Variants in FSCN3 observed in about 807,000 individuals in gnomAD.
FSCN3 encodes fascin actin-bundling protein 3, also known as fascin-3.
In FSCN3, 43 loss-of-function variants were observed where a neutral mutation model predicts 53.5. The ratio of observed to expected loss-of-function variants is 0.80; its 90% confidence interval spans 0.63 to 1.04. FSCN3 has a LOEUF of 1.04. Among genes scored for constraint, FSCN3 ranks in the 50% least tolerant of loss-of-function variants. The pLI is 0.00. For missense variants in FSCN3, 594 were observed against 646.5 expected (o/e 0.92, Z 0.88); for synonymous variants, 235 against 246.6 (o/e 0.95, Z 0.44).
Position 127,600,370 on chromosome 7 carries a change from A to G in FSCN3, c.1468A>G (p.Ile490Val). ...CACCCTGTTGGCAGACAGTGAAGAC[A>G]TTACCAGAGAGTGTATCTGGGAATT... ...SGTLLADSED[I>V]TRECIWEF Residue 490 changes from isoleucine (I) to valine (V), a missense_variant, in exon 6 of 7, where the codon ATT (isoleucine) becomes GTT (valine). Transcript: ENST00000265825. 6.2e-7 allele frequency: 1 copy of G among 1,612,054 alleles called. No individual in the cohort carries two copies. The highest frequency in any genetic ancestry group is 8.5e-7 in the Non-Finnish European group (1 of 1,178,040).
rs752537878 is a variant in FSCN3 at position 127,595,970 on chromosome 7, T to C, written c.808T>C (p.Ser270Pro). The C allele has an allele frequency of 6.4e-7, 1 of 1,571,764 alleles. No individual in the cohort carries two copies. Among genetic ancestry groups the C allele is most frequent in the Non-Finnish European group, 8.6e-7 (1 of 1,157,386 alleles). ...CTGCCCAACCTGGGTCAGCCTCAGGTCAAAGACTGGGCGGTTCATCTCAGT... is the reference window on the plus strand; with the variant it reads ...CTGCCCAACCTGGGTCAGCCTCAGGCCAAAGACTGGGCGGTTCATCTCAGT... The part of the protein sequence containing the change: ...QHCPTWVSLR[S>P]KTGRFISVIY... Residue 270 changes from serine (S) to proline (P), a missense_variant, in exon 2 of 7, where the codon TCA becomes CCA. Ser to Pro is a moderately conservative substitution (Grantham distance 74). Transcript: ENST00000265825.
At position 127,600,305 on chromosome 7, in the gene FSCN3, T is replaced by C. The variant is rs374297879; in HGVS notation, c.1403T>C (p.Leu468Pro). ...CAGGGGAGCAACTTACTCACTGTAC[T>C]GGCCCCCAATGGCTTCTACATGCGA... The part of the protein sequence containing the change: ...ELQGSNLLTV[L>P]APNGFYMRAD... The change falls in exon 6 of 7, where the codon CTG becomes CCG. Residue 468 changes from leucine (L) to proline (P), a missense_variant. Coordinates refer to ENST00000265825, the MANE Select transcript of FSCN3 (RefSeq NM_020369.3). 6 of 1,611,608 alleles carry C rather than the reference T, an allele frequency of 3.7e-6. No individual in the cohort carries two copies. The Admixed American group carries it at 5.0e-5, about 13-fold the overall frequency.
intron 5 of FSCN3, 23 bp from the exon 6 acceptor site, chr7:127,600,171 A>G (rs770152969): frequency 7.1e-7 from 1 of 1,417,642 alleles, no homozygotes; most frequent in African/African-American, 1.4e-5. Flanking sequence ...ATGGCCCACC[A>G]ACCTGAGCTC....
At chr7:127,598,357 C>A in intron 3 of FSCN3, 78 bp from the exon 4 acceptor site, 3 of 1,341,222 alleles carry the variant, frequency 2.2e-6, no homozygotes, top group Non-Finnish European at 3.2e-6. Context: ...GGAAGAGGGT[C>A]TAGGAATAAA....
intron 4 of FSCN3, 66 bp from the exon 5 acceptor site, chr7:127,599,315 C>A: frequency 7.8e-7 from 1 of 1,280,958 alleles, no homozygotes; most frequent in Non-Finnish European, 1.1e-6. Context: ...CGTCCCCCCT[C>A]CTGCTTCCAC....
intron 6 of FSCN3, among the ~76,000 whole-genome samples, chr7:127,600,927 C>T (rs769581362): frequency 1.3e-5 from 2 of 152,156 alleles, no homozygotes; most frequent in Non-Finnish European, 2.9e-5. Flanking sequence ...CCTGCCAGTT[C>T]CTAAAAATCA....
intron 1 of FSCN3, chr7:127,594,799 G>A (rs1794359145): frequency 2.1e-6 from 1 of 471,426 alleles, no homozygotes; most frequent in South Asian, 1.5e-5. Context: ...AGCTGAACCA[G>A]GCAGTTGCAT....
chr7:127,601,041 C>T (rs894948844), intron 6 of FSCN3, among the ~76,000 whole-genome samples: 1 of 152,232 alleles, frequency 6.6e-6, no homozygotes, highest in African/African-American at 2.4e-5. Flanking sequence ...AATGCTCAGG[C>T]TCAAGAGCTC....
intron 4 of FSCN3, among the ~76,000 whole-genome samples, chr7:127,598,925 A>G (rs887158633): frequency 6.6e-6 from 1 of 151,482 alleles, no homozygotes; most frequent in Non-Finnish European, 1.5e-5. Context: ...GTGCCACTGC[A>G]TTGCAGCCTG....
intron 4 of FSCN3, among the ~76,000 whole-genome samples, chr7:127,599,114 C>T (rs941966780): frequency 6.6e-6 from 1 of 152,144 alleles, no homozygotes; most frequent in African/African-American, 2.4e-5. Context: ...TACAACTCTG[C>T]AGCCTCACAG....
At chr7:127,595,206 A>C (rs1794367161) in intron 1 of FSCN3, 101 bp from the exon 2 acceptor site, 1 of 976,444 alleles carries the variant, frequency 1.0e-6, no homozygotes, top group Admixed American at 2.5e-5. Context: ...GCTGGTGCTG[A>C]TGAAGGTGCC....
intron 1 of FSCN3, chr7:127,594,811 T>C (rs1432045676): frequency 4.2e-6 from 2 of 471,694 alleles, no homozygotes; most frequent in Middle Eastern, 3.2e-4. Flanking sequence ...CAGTTGCATC[T>C]GAACTGTTCA....
At chr7:127,594,979 G>A (rs1794361983) in intron 1 of FSCN3, 4 of 471,364 alleles carry the variant, frequency 8.5e-6, no homozygotes, top group East Asian at 4.9e-5. Context: ...ACACCAAAGC[G>A]TTTCTTTAAA....
chr7:127,597,151 C>G (rs1794401581), intron 3 of FSCN3, among the ~76,000 whole-genome samples: 1 of 152,144 alleles, frequency 6.6e-6, no homozygotes, highest in Non-Finnish European at 1.5e-5. Context: ...TGTTTCTAGT[C>G]TGGGCTATTA....
At chr7:127,595,197 C>G (rs1794366991) in intron 1 of FSCN3, 110 bp from the exon 2 acceptor site, 4 of 849,124 alleles carry the variant, frequency 4.7e-6, no homozygotes, top group Non-Finnish European at 7.4e-6. Context: ...GAGGAGGTGG[C>G]TGGTGCTGAT....
At position 127,599,659 on chromosome 7, in the gene FSCN3, A is replaced by G. The variant is rs563769884; in HGVS notation, c.1291+108A>G. On this transcript the variant is annotated intron_variant, in intron 5 of 6. Coordinates refer to ENST00000265825, the MANE Select transcript of FSCN3 (RefSeq NM_020369.3). ...CAGGGCTTGCTCATTATAAAAGGAA[A>G]AACAGGCCAGGCGCAGTGGCTCATG... 66 of 1,081,638 alleles carry G rather than the reference A, an allele frequency of 6.1e-5. No individual in the cohort carries two copies. The East Asian group carries it at 1.5e-3, about 24-fold the overall frequency. The allele number at this position is 1,081,638 out of a possible 1,614,324, so 67.0% of individuals were successfully genotyped here. A position where few individuals can be genotyped will look rare whatever the true frequency, so the allele number is the denominator to read the frequency against.
chr7:127,599,308 C>A (rs1794435363), intron 4 of FSCN3, 73 bp from the exon 5 acceptor site: 1 of 1,129,900 alleles, frequency 8.9e-7, no homozygotes. Flanking sequence ...CAATTAGCGT[C>A]CCCCCTCCTG....
chr7:127,596,076 CA>C, intron 2 of FSCN3, 73 bp downstream of exon 2: 1 of 1,494,166 alleles, frequency 6.7e-7, no homozygotes, highest in South Asian at 1.4e-5. Context: ...TGTTTGGGAT[CA>C]GCACAGATTT....
chr7:127,597,604 A>G (rs956537070), intron 3 of FSCN3, among the ~76,000 whole-genome samples: 1 of 151,518 alleles, frequency 6.6e-6, no homozygotes, highest in African/African-American at 2.4e-5. Context: ...TCAACCTCCC[A>G]AGTAGCTGGG....
Sources: gnomAD v4.1 joint callset for allele counts (sites outside exome capture counted in the v4.1 genomes callset) on GRCh38, gnomAD v4.1.1 for gene constraint, MANE v1.5 for transcripts, NCBI Gene and HGNC (gene_info 2026-07-23, HGNC 2026-07-21) for gene names.